KCTD8: variants seen among roughly 807,000 people sequenced by gnomAD.
KCTD8 encodes the protein potassium channel tetramerization domain containing 8.
Under a neutral mutation model 31.5 loss-of-function variants are expected in KCTD8, and 27 were observed. The observed-to-expected ratio is 0.86, with a 90% CI of 0.63 to 1.18. The LOEUF (loss-of-function observed/expected upper bound fraction) is 1.18, where lower values mean the gene tolerates loss of function less well. KCTD8 is among the 50% of genes most tolerant of loss of function. KCTD8 has a pLI of 0.00. For missense variants in KCTD8, 658 were observed against 647.7 expected, an observed-to-expected ratio of 1.02 and a Z score of -0.17; for synonymous variants, 290 against 280.0, an observed-to-expected ratio of 1.04 and a Z score of -0.36.
At chr4:44,310,059 G>A (rs1251200147) in intron 1 of KCTD8, among the ~76,000 whole-genome samples, 2 of 151,978 alleles carry the variant, frequency 1.3e-5, no homozygotes, top group Non-Finnish European at 2.9e-5. Flanking sequence ...TAAAACATGG[G>A]ACCTGGTATT....
At chr4:44,378,909 G>T (rs748860013) in intron 1 of KCTD8, among the ~76,000 whole-genome samples, 19 of 152,092 alleles carry the variant, frequency 1.2e-4, no homozygotes, top group Admixed American at 6.6e-5. Flanking sequence ...TCTTCCAAAG[G>T]CTCCACAGGA....
chr4:44,233,731 CTAT>C (rs1715191819), intron 1 of KCTD8, among the ~76,000 whole-genome samples: 1 of 152,062 alleles, frequency 6.6e-6, no homozygotes, highest in Admixed American at 6.6e-5. Flanking sequence ...CACAAGAATT[CTAT>C]TATTCTCTGA....
chr4:44,446,972 A>G (rs956084390), intron 1 of KCTD8, among the ~76,000 whole-genome samples: 2 of 151,956 alleles, frequency 1.3e-5, no homozygotes, highest in East Asian at 3.9e-4. Flanking sequence ...ACCCGCTCTC[A>G]TGCCCCCGCC....
chr4:44,353,070 G>A (rs1181096006), intron 1 of KCTD8, among the ~76,000 whole-genome samples: 18 of 152,090 alleles, frequency 1.2e-4, no homozygotes, highest in Admixed American at 7.2e-4. Flanking sequence ...CTAGAATAAA[G>A]ATACAGAATG....
At chr4:44,214,808 GAACT>G (rs1412192256) in intron 1 of KCTD8, among the ~76,000 whole-genome samples, 6 of 152,122 alleles carry the variant, frequency 3.9e-5, no homozygotes, top group Non-Finnish European at 8.8e-5. Context: ...TGCCTTTTCA[GAACT>G]AACCAATTAG....
chr4:44,294,834 T>C (rs1303423388), intron 1 of KCTD8, among the ~76,000 whole-genome samples: 1 of 151,924 alleles, frequency 6.6e-6, no homozygotes, highest in Non-Finnish European at 1.5e-5. Context: ...AAAAGCAGAG[T>C]GAGAGATGAG....
At chr4:44,274,278 C>T (rs1716688482) in intron 1 of KCTD8, among the ~76,000 whole-genome samples, 1 of 151,848 alleles carries the variant, frequency 6.6e-6, no homozygotes, top group Admixed American at 6.6e-5. Context: ...TGAATGGTGT[C>T]ATGTGGTTTC....
At chr4:44,237,855 G>A (rs143066076) in intron 1 of KCTD8, among the ~76,000 whole-genome samples, 213 of 152,242 alleles carry the variant, frequency 1.4e-3, no homozygotes, top group African/African-American at 4.9e-3. Flanking sequence ...CAGAGGTACT[G>A]CTGAGAGATT....
At chr4:44,247,253 T>C (rs1163969766) in intron 1 of KCTD8, among the ~76,000 whole-genome samples, 1 of 151,982 alleles carries the variant, frequency 6.6e-6, no homozygotes, top group Non-Finnish European at 1.5e-5. Flanking sequence ...GTACCAATTG[T>C]TCCAAAAGGG....
intron 1 of KCTD8, among the ~76,000 whole-genome samples, chr4:44,181,506 C>A (rs1009621788): frequency 6.6e-6 from 1 of 152,328 alleles, no homozygotes; most frequent in East Asian, 1.9e-4. Flanking sequence ...CCTCGGCCCC[C>A]CGAGGCGCCG....
At chr4:44,420,789 A>G (rs568754994) in intron 1 of KCTD8, among the ~76,000 whole-genome samples, 153 of 152,286 alleles carry the variant, frequency 1.0e-3, no homozygotes, top group African/African-American at 3.6e-3. Context: ...CAATTCAGAT[A>G]ATAATATTAT....
chr4:44,276,466 T>C (rs575632667), intron 1 of KCTD8, among the ~76,000 whole-genome samples: 5 of 152,136 alleles, frequency 3.3e-5, no homozygotes, highest in African/African-American at 4.8e-5. Flanking sequence ...TTCAAAATTG[T>C]TTAAATTTGC....
At chr4:44,288,071 T>C (rs1717155670) in intron 1 of KCTD8, among the ~76,000 whole-genome samples, 1 of 152,164 alleles carries the variant, frequency 6.6e-6, no homozygotes, top group Admixed American at 6.6e-5. Context: ...ATGTCAAATT[T>C]TCTTTTCTCC....
chr4:44,293,691 A>T (rs1717344571), intron 1 of KCTD8: 7 of 379,062 alleles, frequency 1.8e-5, no homozygotes, highest in Middle Eastern at 3.7e-4. Context: ...CATGAGGGAA[A>T]TTTTTTAAAA....
At chr4:44,297,444 A>T (rs1222184981) in intron 1 of KCTD8, among the ~76,000 whole-genome samples, 1 of 152,040 alleles carries the variant, frequency 6.6e-6, no homozygotes, top group Non-Finnish European at 1.5e-5. Context: ...GTCTTATGAG[A>T]TCTTTTTTCT....
At chr4:44,298,879 ACCT>A (rs1447413237) in intron 1 of KCTD8, among the ~76,000 whole-genome samples, 1 of 152,194 alleles carries the variant, frequency 6.6e-6, no homozygotes, top group Non-Finnish European at 1.5e-5. Flanking sequence ...AAATGAACAG[ACCT>A]TTTGAAAAAA....
intron 1 of KCTD8, among the ~76,000 whole-genome samples, chr4:44,286,269 T>C (rs984001765): frequency 6.6e-6 from 1 of 152,126 alleles, no homozygotes; most frequent in African/African-American, 2.4e-5. Flanking sequence ...ATATATCCAA[T>C]ACTTAGATAT....
At chr4:44,356,691 C>G (rs537890426) in intron 1 of KCTD8, among the ~76,000 whole-genome samples, 126 of 152,198 alleles carry the variant, frequency 8.3e-4, no homozygotes, top group African/African-American at 2.6e-3. Context: ...AGGCTGGTCT[C>G]GAACTCCTGA....
In KCTD8 at chr4:44,295,119, C is replaced by A. The variant is rs569659934; in HGVS notation, c.962-119869G>T. Among the ~76,000 whole-genome samples, 14 of 151,914 alleles carry A rather than the reference C, an allele frequency of 9.2e-5. No individual in the cohort carries two copies. The South Asian group carries it at 2.7e-3, about 29-fold the overall frequency. ...ATCAGGCTGGGTAATGTGGGGAGAC[C>A]CTGTCTCCATATTTTAAAAAATAAT... On this transcript the variant is annotated intron_variant, in intron 1 of 1. Coordinates refer to ENST00000360029, the MANE Select transcript of KCTD8 (RefSeq NM_198353.3).
Sources: gnomAD v4.1 joint callset for allele counts (sites outside exome capture counted in the v4.1 genomes callset) on GRCh38, gnomAD v4.1.1 for gene constraint, MANE v1.5 for transcripts, NCBI Gene and HGNC (gene_info 2026-07-23, HGNC 2026-07-21) for gene names.